Variants in ASTN2 observed in about 807,000 individuals in gnomAD.
ASTN2 encodes astrotactin-2.
In ASTN2, 54 loss-of-function variants were observed where a neutral mutation model predicts 139.8. The observed-to-expected ratio is 0.39, with a 90% confidence interval of 0.31 to 0.48. The LOEUF is 0.48. ASTN2 is among the 20% of genes least tolerant of loss of function. ASTN2 has a pLI of 0.95. For synonymous variants in ASTN2, 756 were observed against 719.5 expected, an observed-to-expected ratio of 1.05 and a Z score of -0.81; for missense variants, 1,565 against 1,725.1, an observed-to-expected ratio of 0.91 and a Z score of 1.64.
intron 2 of ASTN2, among the ~76,000 whole-genome samples, chr9:117,232,749 C>T (rs1832932001): frequency 6.6e-6 from 1 of 152,172 alleles, no homozygotes; most frequent in Non-Finnish European, 1.5e-5. Flanking sequence ...ATTACATTCA[C>T]CAGAAACTCT....
At chr9:117,342,144 G>A (rs954657581) in intron 1 of ASTN2, among the ~76,000 whole-genome samples, 20 of 152,144 alleles carry the variant, frequency 1.3e-4, no homozygotes, top group African/African-American at 4.6e-4. Context: ...TTCATTAACT[G>A]TTGTTAACGG....
At chr9:116,685,976 T>A (rs57483164) in intron 16 of ASTN2, among the ~76,000 whole-genome samples, 65 of 151,582 alleles carry the variant, frequency 4.3e-4, no homozygotes, top group Admixed American at 1.3e-3. Flanking sequence ...AAAAAAAAAA[T>A]TTTAAACGGG....
At chr9:116,989,487 C>G (rs1836782443) in intron 7 of ASTN2, among the ~76,000 whole-genome samples, 1 of 152,132 alleles carries the variant, frequency 6.6e-6, no homozygotes, top group Non-Finnish European at 1.5e-5. Flanking sequence ...CATTTCCAGT[C>G]CCTTCCATCT....
chr9:116,771,196 A>G (rs1028377114), intron 13 of ASTN2, among the ~76,000 whole-genome samples: 3 of 152,096 alleles, frequency 2.0e-5, no homozygotes, highest in Admixed American at 6.6e-5. Context: ...TGCTTCCTCT[A>G]TCATCACACA....
chr9:116,724,532 T>C (rs1327811562), intron 16 of ASTN2, among the ~76,000 whole-genome samples: 2 of 152,044 alleles, frequency 1.3e-5, no homozygotes, highest in African/African-American at 4.8e-5. Flanking sequence ...AGACAGGAGG[T>C]GTAGAGCACC....
intron 20 of ASTN2, among the ~76,000 whole-genome samples, chr9:116,452,396 G>A (rs1399376241): frequency 6.6e-6 from 1 of 152,174 alleles, no homozygotes; most frequent in Non-Finnish European, 1.5e-5. Flanking sequence ...CTAGCTATGT[G>A]GCTTTGGTGG....
At chr9:116,966,003 C>T (rs1836001059) in intron 10 of ASTN2, among the ~76,000 whole-genome samples, 1 of 152,158 alleles carries the variant, frequency 6.6e-6, no homozygotes, top group African/African-American at 2.4e-5. Flanking sequence ...GCCCAAAATG[C>T]TGCTTATCAC....
chr9:117,112,263 T>C (rs184432886), intron 4 of ASTN2, among the ~76,000 whole-genome samples: 31 of 152,088 alleles, frequency 2.0e-4, no homozygotes, highest in Non-Finnish European at 4.1e-4. Context: ...AGGTTTTTTT[T>C]TTTGTTTTGG....
In ASTN2 at chr9:116,425,469, C is replaced by G; in HGVS notation, c.*382G>C. The G allele has an allele frequency of 8.0e-7, 1 of 1,244,762 alleles. No homozygotes were observed. The highest frequency in any genetic ancestry group is 1.2e-6 in the Non-Finnish European group (1 of 863,758). The allele number at this position is 1,244,762 out of a possible 1,614,324, so 77.1% of individuals were successfully genotyped here. ...AAAACTGTCCCTCCATAGGTCTCCT[C>G]CAGGGGTCCATGGCAGGAAGAAAGC... On this transcript the variant is annotated 3_prime_UTR_variant, in exon 23 of 23. Transcript: ENST00000313400.
intron 19 of ASTN2, among the ~76,000 whole-genome samples, chr9:116,512,040 T>C (rs1391200253): frequency 6.6e-6 from 1 of 152,216 alleles, no homozygotes; most frequent in African/African-American, 2.4e-5. Context: ...TCTTGCCTTC[T>C]GCTAGCTTTT....
In ASTN2 at chr9:117,386,741, C is replaced by T. The variant is rs376430430; in HGVS notation, c.442+27756G>A. 4.6e-5 allele frequency among the ~76,000 whole-genome samples: 7 copies of T among 152,218 alleles called. No homozygotes were observed. The East Asian group carries it at 5.8e-4, about 13-fold the overall frequency. ...CACTCTGGAATGCCAGCTCCTCAGC[C>T]CCTTGGGTGTCACTCACCCTTCCTG... On this transcript the variant is annotated intron_variant, in intron 1 of 22. Coordinates refer to ENST00000313400, the MANE Select transcript of ASTN2 (RefSeq NM_001365068.1).
chr9:116,753,228 T>C (rs1278786533), intron 13 of ASTN2, among the ~76,000 whole-genome samples: 1 of 152,202 alleles, frequency 6.6e-6, no homozygotes, highest in Non-Finnish European at 1.5e-5. Flanking sequence ...AAATCCACAT[T>C]GCTACAGGAA....
At chr9:116,706,760 ATTTTTT>A (rs60395133) in intron 16 of ASTN2, among the ~76,000 whole-genome samples, 1 of 88,044 alleles carries the variant, frequency 1.1e-5, no homozygotes, top group African/African-American at 4.5e-5. Flanking sequence ...GCTGGCTAGA[ATTTTTT>A]TTTTTTTTTT....
At chr9:116,568,935 C>A (rs571381091) in intron 19 of ASTN2, 4 of 152,164 alleles carry the variant, frequency 2.6e-5, no homozygotes, top group African/African-American at 7.2e-5. Context: ...CAAGGTGAGG[C>A]CTTTTTTTAC....
chr9:117,148,209 C>G (rs908156291), intron 3 of ASTN2, among the ~76,000 whole-genome samples: 1 of 152,208 alleles, frequency 6.6e-6, no homozygotes, highest in Non-Finnish European at 1.5e-5. Context: ...TATCAACTCT[C>G]CATGTGCATG....
intron 19 of ASTN2, among the ~76,000 whole-genome samples, chr9:116,520,281 A>C (rs1850813269): frequency 6.6e-6 from 1 of 152,172 alleles, no homozygotes; most frequent in Admixed American, 6.5e-5. Context: ...ATTCAACAGC[A>C]TATAAAAAAG....
intron 11 of ASTN2, among the ~76,000 whole-genome samples, chr9:116,832,539 A>ATT (rs913617331): frequency 6.7e-6 from 1 of 148,160 alleles, no homozygotes; most frequent in African/African-American, 2.5e-5. Flanking sequence ...TTCTATTCTT[A>ATT]TTTTTTTTTT....
At chr9:117,380,344 T>C (rs929779786) in intron 1 of ASTN2, among the ~76,000 whole-genome samples, 5 of 152,088 alleles carry the variant, frequency 3.3e-5, no homozygotes, top group Admixed American at 2.6e-4. Flanking sequence ...TGGTAGCTCA[T>C]GCCTGTAATC....
chr9:117,139,545 C>T (rs1344560141), intron 4 of ASTN2, among the ~76,000 whole-genome samples: 1 of 152,204 alleles, frequency 6.6e-6, no homozygotes, highest in Non-Finnish European at 1.5e-5. Context: ...TGTGATCTGA[C>T]AGCTTAACAT....
Sources: allele counts gnomAD v4.1 joint callset (sites outside exome capture counted in the v4.1 genomes callset), GRCh38; gene constraint gnomAD v4.1.1; transcripts MANE v1.5; gene names NCBI Gene and HGNC (gene_info 2026-07-23, HGNC 2026-07-21).